UGT1A5: variants seen among roughly 807,000 people sequenced by gnomAD.
The protein encoded by UGT1A5 is UDP-glucuronosyltransferase 1A5.
A neutral mutation model predicts 40.3 loss-of-function variants in UGT1A5; 29 were observed. The observed-to-expected ratio is 0.72, with a 90% CI of 0.54 to 0.98. UGT1A5 has a LOEUF of 0.98. UGT1A5 is among the 50% of genes least tolerant of loss of function. The pLI is 0.00. For missense variants in UGT1A5, 678 were observed against 677.9 expected (o/e 1.00, Z 0.00); for synonymous variants, 257 against 262.5 (o/e 0.98, Z 0.20).
At position 233,713,714 on chromosome 2, in the gene UGT1A5, A is replaced by G. The variant is rs191146485; in HGVS notation, c.723A>G (p.Arg241=). The change falls in exon 1 of 5, where the codon AGA becomes AGG. Residue 241 remains arginine (R), a synonymous_variant. Coordinates refer to ENST00000373414, the MANE Select transcript of UGT1A5 (RefSeq NM_019078.2). ...YASLASELFQ[R]EVSVVDLVSH... is the part of the protein sequence containing the mutation. ...GCCTTGCCTCTGAGCTTTTTCAGAGAGAGGTGTCAGTGGTGGATCTTGTCA... is the reference window on the plus strand; with the variant it reads ...GCCTTGCCTCTGAGCTTTTTCAGAGGGAGGTGTCAGTGGTGGATCTTGTCA... 9.0e-5 allele frequency: 146 copies of G among 1,613,790 alleles called. 1 individual carries two copies. In the East Asian group the frequency reaches 2.9e-3, roughly 32 times the overall value.
intron 1 of UGT1A5, among the ~76,000 whole-genome samples, chr2:233,727,395 G>C (rs1447240084): frequency 2.6e-5 from 4 of 152,142 alleles, no homozygotes; most frequent in Non-Finnish European, 4.4e-5. Context: ...CGTCTTCCAA[G>C]ATACATGGGC....
At chr2:233,747,242 T>G in intron 1 of UGT1A5, 1 of 1,603,440 alleles carries the variant, frequency 6.2e-7, no homozygotes. Context: ...GTTCCCCTGC[T>G]GTGGCTGGCC....
chr2:233,736,738 C>T (rs1478066548), intron 1 of UGT1A5, among the ~76,000 whole-genome samples: 1 of 152,114 alleles, frequency 6.6e-6, no homozygotes, highest in Non-Finnish European at 1.5e-5. Flanking sequence ...TATGCTGTTC[C>T]TTTCTGTTTG....
intron 1 of UGT1A5, chr2:233,742,951 A>G (rs1692147451): frequency 4.7e-6 from 1 of 213,770 alleles, no homozygotes; most frequent in East Asian, 1.2e-4. Flanking sequence ...ACTAGCAAAT[A>G]ATCATTGTCT....
intron 1 of UGT1A5, among the ~76,000 whole-genome samples, chr2:233,766,269 TCGGTGGCCC>T (rs2126023765): frequency 2.9e-5 from 2 of 67,956 alleles, no homozygotes; most frequent in East Asian, 5.0e-4. Flanking sequence ...TGGCCCGGGC[TCGGTGGCCC>T]GGGCTCGGTG....
intron 1 of UGT1A5, among the ~76,000 whole-genome samples, chr2:233,715,183 G>A (rs1174195139): frequency 6.6e-6 from 1 of 152,120 alleles, no homozygotes; most frequent in South Asian, 2.1e-4. Flanking sequence ...ACCACACCTA[G>A]GCAATTTTTC....
chr2:233,718,938 C>T, intron 1 of UGT1A5: 1 of 1,614,130 alleles, frequency 6.2e-7, no homozygotes, highest in Non-Finnish European at 8.5e-7. Context: ...TGATGGCAGC[C>T]CCTGGCTCAG....
At position 233,767,942 on chromosome 2, in the gene UGT1A5, T is replaced by A; in HGVS notation, c.1087+6T>A. On this transcript the variant is annotated splice_donor_region_variant and intron_variant, in intron 3 of 4. Transcript: ENST00000373414. ...ACCCCAAAACGATCTGCTTGGTATG[T>A]TGGGCGGATTGGATGTATAGGTCAA... is the stretch of plus-strand genomic sequence containing the variant. 1 of 1,614,210 alleles carries A rather than the reference T, an allele frequency of 6.2e-7. No individual in the cohort carries two copies. The highest frequency in any genetic ancestry group is 1.3e-5 in the African/African-American group (1 of 75,040).
At chr2:233,748,181 CT>C in intron 1 of UGT1A5, 1 of 1,573,702 alleles carries the variant, frequency 6.4e-7, no homozygotes, top group Non-Finnish European at 8.6e-7. Context: ...CTTTCTGGTG[CT>C]TTTATTTCTG....
chr2:233,742,208 G>A (rs1691908549), intron 1 of UGT1A5, among the ~76,000 whole-genome samples: 1 of 152,036 alleles, frequency 6.6e-6, no homozygotes, highest in South Asian at 2.1e-4. Flanking sequence ...GGGACTCACA[G>A]CCTTCAGGGC....
At chr2:233,723,181 A>C (rs2077065915) in intron 1 of UGT1A5, among the ~76,000 whole-genome samples, 2 of 132,766 alleles carry the variant, frequency 1.5e-5, no homozygotes, top group African/African-American at 6.0e-5. Flanking sequence ...AAACCATAGA[A>C]GGGTCCATGT....
chr2:233,738,062 G>A lies in UGT1A5; in HGVS notation c.867+24204G>A, dbSNP rs1045762384. ...GTGTTGAGGACAGGACATGGTGGGA[G>A]GTCCCCACCTCCTAATCTCATCATA... On this transcript the variant is annotated intron_variant, in intron 1 of 4. Coordinates refer to ENST00000373414, the MANE Select transcript of UGT1A5 (RefSeq NM_019078.2). 4.6e-5 allele frequency among the ~76,000 whole-genome samples: 7 copies of A among 152,180 alleles called. 1 individual carries two copies. The highest frequency in any genetic ancestry group is 4.2e-4 in the South Asian group (2 of 4,808).
chr2:233,752,468 T>C (rs1694980469), intron 1 of UGT1A5: 1 of 152,362 alleles, frequency 6.6e-6, no homozygotes, highest in Admixed American at 6.5e-5. Flanking sequence ...TATAGGCCTC[T>C]AGCAGTGTTA....
chr2:233,743,907 A>G, intron 1 of UGT1A5: 2 of 1,366,260 alleles, frequency 1.5e-6, no homozygotes, highest in Non-Finnish European at 2.0e-6. Flanking sequence ...ACCTCGTAGT[A>G]GTCCACCATG....
At chr2:233,760,319 T>C (rs201984525) in intron 1 of UGT1A5, 2 of 1,614,040 alleles carry the variant, frequency 1.2e-6, no homozygotes, top group Non-Finnish European at 1.7e-6. Context: ...GGACGCCCAC[T>C]TGTCCTGGGC....
In UGT1A5 at chr2:233,769,590, G is replaced by A; in HGVS notation, c.1307+1151G>A. On this transcript the variant is annotated intron_variant, in intron 4 of 4. Coordinates refer to ENST00000373414, the MANE Select transcript of UGT1A5 (RefSeq NM_019078.2). This position sits in a 1 kb window ranked among gnomAD's most constrained non-coding sequence, Gnocchi z 4.4. Reference sequence around the variant, plus strand: ...GCTGGAGCATGTTCAGATGAGAGGAGACGGAACACGGGGACACACCAGCTT... The same window carrying A: ...GCTGGAGCATGTTCAGATGAGAGGAAACGGAACACGGGGACACACCAGCTT... 6.2e-7 allele frequency: 1 copy of A among 1,612,882 alleles called. No individual in the cohort carries two copies. Among genetic ancestry groups the A allele is most frequent in the African/African-American group, 1.3e-5 (1 of 75,046 alleles).
At chr2:233,747,784 C>A in intron 1 of UGT1A5, 1 of 1,613,530 alleles carries the variant, frequency 6.2e-7, no homozygotes, top group Non-Finnish European at 8.5e-7. Context: ...CCAAATCCTT[C>A]CTCCTATATT....
At chr2:233,770,476 A>T (rs1030894944) in intron 4 of UGT1A5, 3 of 152,132 alleles carry the variant, frequency 2.0e-5, no homozygotes, top group African/African-American at 7.2e-5. Flanking sequence ...CAACATGAAG[A>T]AACCTTATCT....
At chr2:233,719,345 C>A in intron 1 of UGT1A5, 1 of 1,613,904 alleles carries the variant, frequency 6.2e-7, no homozygotes, top group Non-Finnish European at 8.5e-7. Context: ...TTTGGAGGTA[C>A]ATTCCATGTG....
Sources: gnomAD v4.1 joint callset for allele counts (sites outside exome capture counted in the v4.1 genomes callset) on GRCh38, gnomAD v4.1.1 for gene constraint, Gnocchi (gnomAD v3.1) non-coding constraint, MANE v1.5 for transcripts, NCBI Gene and HGNC (gene_info 2026-07-23, HGNC 2026-07-21) for gene names.